The following RP1 variants were observed in gnomAD, a reference collection of about 807,000 sequenced individuals.
RP1 encodes the protein RP1 axonemal microtubule associated.
RP1 carries 16 observed loss-of-function variants against 14.8 expected under a neutral mutation model. That is an observed-to-expected ratio of 1.08 (90% CI 0.73 to 1.65). The LOEUF (loss-of-function observed/expected upper bound fraction) is 1.65, where lower values mean the gene tolerates loss of function less well. Among genes scored for constraint, RP1 ranks in the 40% most tolerant of loss-of-function variants. The pLI, the probability that RP1 is intolerant of heterozygous loss-of-function variation, is 0.00. For synonymous variants in RP1, 876 were observed against 883.6 expected (o/e 0.99, Z 0.15); for missense variants, 2,631 against 2,535.0 (o/e 1.04, Z -0.81).
chr8:54,750,761 A>G (rs572222611), intron 19 of RP1, among the ~76,000 whole-genome samples: 1 of 152,154 alleles, frequency 6.6e-6, no homozygotes, highest in Admixed American at 6.5e-5. Context: ...AGGATTGTAA[A>G]ATGCACCAAT....
chr8:54,836,391 G>T (rs1434362041), intron 24 of RP1, among the ~76,000 whole-genome samples: 2 of 152,146 alleles, frequency 1.3e-5, no homozygotes, highest in Non-Finnish European at 2.9e-5. Flanking sequence ...ACGTAATTAA[G>T]GTTACTAATT....
At position 54,628,105 on chromosome 8, in the gene RP1, C is replaced by T; in HGVS notation, c.4223C>T (p.Ala1408Val). 1 of 1,613,946 alleles carries T rather than the reference C, an allele frequency of 6.2e-7. No homozygotes were observed. Among genetic ancestry groups the T allele is most frequent in the Middle Eastern group, 1.6e-4 (1 of 6,062 alleles). Residue 1408 changes from alanine to valine, a missense_variant, in exon 4 of 4, where the codon GCA (alanine) becomes GTA (valine). Physicochemically the swap from Ala to Val is moderately conservative, Grantham distance 64. Transcript: ENST00000220676. The part of the protein sequence containing the change: ...SCGLCLSEKE[A>V]ELDKKHSSLD... ...GGCCTTTGCCTAAGTGAAAAAGAAGCAGAACTTGATAAGAAACATAGTTCT... is the reference window on the plus strand; with the variant it reads ...GGCCTTTGCCTAAGTGAAAAAGAAGTAGAACTTGATAAGAAACATAGTTCT...
At chr8:54,857,020 T>C in intron 26 of RP1, 5 of 1,063,850 alleles carry the variant, frequency 4.7e-6, no homozygotes, top group Non-Finnish European at 6.0e-6. Context: ...TATTTCTTTA[T>C]TGTACAGGTT....
chr8:54,560,525 G>T (rs1201425810), intron 1 of RP1: 3 of 151,956 alleles, frequency 2.0e-5, no homozygotes, highest in Non-Finnish European at 4.4e-5. Flanking sequence ...TGCTCTATCT[G>T]CTCTTCCACA....
intron 12 of RP1, among the ~76,000 whole-genome samples, chr8:54,681,522 GTA>G (rs1376293190): frequency 4.2e-5 from 6 of 143,160 alleles, no homozygotes; most frequent in African/African-American, 1.3e-4. Context: ...GTGTGTGTGT[GTA>G]TGTATATATG....
chr8:54,771,797 A>G (rs754404547), downstream of RP1, among the ~76,000 whole-genome samples: 11 of 152,076 alleles, frequency 7.2e-5, no homozygotes, highest in Non-Finnish European at 1.5e-4. Flanking sequence ...GAGCTAATTT[A>G]TGGTGTGGAA....
In RP1 at chr8:54,628,727, C is replaced by A. The variant is rs751632799; in HGVS notation, c.4845C>A (p.Gly1615=). The change falls in exon 4 of 4, where the codon GGC becomes GGA. Residue 1615 remains glycine, a synonymous_variant. Coordinates refer to ENST00000220676, the MANE Select transcript of RP1 (RefSeq NM_006269.2). ...KTSSDDPNDS[G]ELTQEKEYNI... is the part of the protein sequence containing the mutation. ...CCAGTGATGATCCCAATGACAGTGG[C>A]GAACTTACCCAAGAGAAAGAATATA... The A allele has an allele frequency of 1.2e-6, 2 of 1,613,950 alleles. No homozygotes were observed. The highest frequency in any genetic ancestry group is 1.7e-6 in the Non-Finnish European group (2 of 1,179,936).
chr8:54,734,551 T>A (rs1322837892), exon 18 of RP1: 1 of 1,534,084 alleles, frequency 6.5e-7, no homozygotes, highest in Non-Finnish European at 8.7e-7. Flanking sequence ...ATAGAAGAAA[T>A]CAGACATTTC....
At chr8:54,837,021 C>T (rs951427255) in intron 24 of RP1, among the ~76,000 whole-genome samples, 4 of 152,104 alleles carry the variant, frequency 2.6e-5, no homozygotes, top group Admixed American at 6.6e-5. Flanking sequence ...AGAATCACAG[C>T]GTGAACCCTA....
chr8:54,636,609 G>A (rs1008520064), intron 3 of RP1, among the ~76,000 whole-genome samples: 1 of 152,094 alleles, frequency 6.6e-6, no homozygotes, highest in Non-Finnish European at 1.5e-5. Context: ...CTGGTCGTGG[G>A]CGCCTGTAAT....
chr8:54,821,685 G>C lies in RP1; in HGVS notation c.3616-15765G>C, dbSNP rs1282167211. The stretch of plus-strand genomic sequence containing the variant: ...GTGTTAAACTGGAAAAAAAAAATTA[G>C]TATGAACTCATGACCTTAAAAAGAT... On this transcript the variant is annotated intron_variant, in intron 24 of 28. Coordinates refer to the RP1 transcript ENST00000637698. Among the ~76,000 whole-genome samples, 5 of 152,042 alleles carry C rather than the reference G, an allele frequency of 3.3e-5. No individual in the cohort carries two copies. The East Asian group carries it at 9.6e-4, about 29-fold the overall frequency.
chr8:54,621,452 C>G lies in RP1; in HGVS notation c.486C>G (p.Gly162=), dbSNP rs767981824. 1 of 1,613,912 alleles carries G rather than the reference C, an allele frequency of 6.2e-7. No homozygotes were observed. The highest frequency in any genetic ancestry group is 1.3e-5 in the African/African-American group (1 of 75,020). Residue 162 remains glycine, a synonymous_variant, in exon 2 of 4, where the codon GGC becomes GGG. Transcript: ENST00000220676. The part of the protein sequence containing the change: ...PPRSLVVFRN[G]DPKTRRAVLL... ...GGAGCCTAGTGGTCTTCAGGAATGG[C>G]GACCCGAAGACGAGGCGTGCGGTTC...
exon 18 of RP1, chr8:54,734,581 T>G: frequency 6.5e-6 from 10 of 1,535,586 alleles, no homozygotes; most frequent in Non-Finnish European, 8.7e-6. Flanking sequence ...GAGACTCTTC[T>G]GTCAGAAGAT....
intron 19 of RP1, among the ~76,000 whole-genome samples, chr8:54,746,499 T>C (rs1809227407): frequency 6.6e-6 from 1 of 152,310 alleles, no homozygotes; most frequent in East Asian, 1.9e-4. Flanking sequence ...CAGGTCATCA[T>C]ACTGATTTCA....
chr8:54,852,837 G>A, intron 26 of RP1: 1 of 768,248 alleles, frequency 1.3e-6, no homozygotes, highest in East Asian at 3.4e-5. Context: ...TGATTCCTGT[G>A]AGGAATTCAG....
intron 1 of RP1, among the ~76,000 whole-genome samples, chr8:54,568,200 A>T (rs746212457): frequency 3.0e-4 from 45 of 152,296 alleles, no homozygotes; most frequent in Non-Finnish European, 6.2e-4. Context: ...GTACCACATA[A>T]CACTACTGTT....
upstream of RP1, among the ~76,000 whole-genome samples, chr8:54,615,520 G>GT (rs925579555): frequency 1.3e-4 from 20 of 152,308 alleles, no homozygotes; most frequent in African/African-American, 4.3e-4. Context: ...CCCAGTATGA[G>GT]TAAGGGAAGC....
At chr8:54,842,734 G>A (rs1811816411) in intron 25 of RP1, among the ~76,000 whole-genome samples, 1 of 152,144 alleles carries the variant, frequency 6.6e-6, no homozygotes, top group African/African-American at 2.4e-5. Context: ...AACTTACTAA[G>A]AGTAACAGCC....
At chr8:54,820,236 G>A (rs1384419029) in intron 24 of RP1, among the ~76,000 whole-genome samples, 1 of 152,058 alleles carries the variant, frequency 6.6e-6, no homozygotes, top group Non-Finnish European at 1.5e-5. Flanking sequence ...CCTGAGCTGT[G>A]CTGCCTGGGG....
Sources: gnomAD v4.1 joint callset for allele counts (sites outside exome capture counted in the v4.1 genomes callset) on GRCh38, gnomAD v4.1.1 for gene constraint, MANE v1.5 for transcripts, NCBI Gene and HGNC (gene_info 2026-07-23, HGNC 2026-07-21) for gene names.